Variants in TMEM184B observed in about 807,000 individuals in gnomAD.
TMEM184B encodes transmembrane protein 184B.
A neutral mutation model predicts 41.8 loss-of-function variants in TMEM184B; 17 were observed. That is an observed-to-expected ratio of 0.41 (90% CI 0.28 to 0.61). The LOEUF is 0.61. Ranked by LOEUF, TMEM184B falls within the 20% of genes least tolerant of loss-of-function variation. The pLI, the probability that TMEM184B is intolerant of heterozygous loss-of-function variation, is 0.34. For missense variants in TMEM184B, 393 were observed against 557.8 expected, an observed-to-expected ratio of 0.70 and a Z score of 2.98; for synonymous variants, 240 against 229.5, an observed-to-expected ratio of 1.05 and a Z score of -0.41.
intron 1 of TMEM184B, among the ~76,000 whole-genome samples, chr22:38,253,622 C>T (rs983415812): frequency 6.6e-6 from 1 of 152,072 alleles, no homozygotes; most frequent in African/African-American, 2.4e-5. Context: ...AACCCTTACA[C>T]ATATACAAAA....
chr22:38,225,307 G>T lies in TMEM184B; in HGVS notation c.787+117C>A. 1 of 1,321,172 alleles carries T rather than the reference G, an allele frequency of 7.6e-7. No individual in the cohort carries two copies. 81.8% of individuals were successfully genotyped at this position (1,321,172 alleles called of 1,614,324 possible). Reference sequence around the variant, plus strand: ...TTCACCCCCAGCAAGTGCCCAGTGGGCTGAGGCCCCTCTGAACAGGCCCTA... The same window carrying T: ...TTCACCCCCAGCAAGTGCCCAGTGGTCTGAGGCCCCTCTGAACAGGCCCTA... On this transcript the variant is annotated intron_variant, in intron 7 of 8. Transcript: ENST00000361906. The surrounding 1 kb of genome is among the most constrained non-coding windows in gnomAD (Gnocchi z 4.4).
At chr22:38,222,844 C>CCTGGGGCCTGG (rs2091300859) in intron 8 of TMEM184B, 2 of 319,536 alleles carry the variant, frequency 6.3e-6, no homozygotes, top group Non-Finnish European at 9.0e-6. Flanking sequence ...CCAGGAAGCT[C>CCTGGGGCCTGG]CAGGTGCCTC....
intron 2 of TMEM184B, chr22:38,247,022 C>T: frequency 2.4e-6 from 1 of 418,234 alleles, no homozygotes; most frequent in Non-Finnish European, 4.3e-6. Flanking sequence ...CTCACCCTGC[C>T]CCTCTCCACT....
rs2091237098 is a variant in TMEM184B at position 38,220,819 on chromosome 22, C to T, written c.*650G>A. 2 of 985,978 alleles carry T rather than the reference C, an allele frequency of 2.0e-6. No individual in the cohort carries two copies. The highest frequency in any genetic ancestry group is 1.1e-4 in the East Asian group (1 of 8,810). 61.1% of individuals were successfully genotyped at this position (985,978 alleles called of 1,614,324 possible). A position where few individuals can be genotyped will look rare whatever the true frequency, so the allele number is the denominator to read the frequency against. ...GGGGATACCCAGGGGCCCAGAAGCC[C>T]CTGCTTCAACAGAAGCGGTGCCCAG... is the stretch of plus-strand genomic sequence containing the variant. On this transcript the variant is annotated 3_prime_UTR_variant, in exon 9 of 9. Transcript: ENST00000361906.
intron 1 of TMEM184B, among the ~76,000 whole-genome samples, chr22:38,269,519 C>T (rs929970889): frequency 1.3e-5 from 2 of 152,074 alleles, no homozygotes; most frequent in Admixed American, 6.6e-5. Flanking sequence ...CAGCCTAAGA[C>T]TCTGTCTTAA....
intron 1 of TMEM184B, among the ~76,000 whole-genome samples, chr22:38,251,497 G>A (rs2092161168): frequency 6.6e-6 from 1 of 152,180 alleles, no homozygotes; most frequent in African/African-American, 2.4e-5. Context: ...CTGCTTGAAG[G>A]CCCAGAGCTC....
In TMEM184B at chr22:38,226,681, T is replaced by C. The variant is rs2091449380; in HGVS notation, c.617+98A>G. 2.4e-6 allele frequency: 3 copies of C among 1,238,504 alleles called. No individual in the cohort carries two copies. The African/African-American group carries it at 4.5e-5, about 18-fold the overall frequency. The allele number at this position is 1,238,504 out of a possible 1,614,324, so 76.7% of individuals were successfully genotyped here. ...GAGCACCAGACACCCAGGAAGGTCA[T>C]GGCTGTGCGGCCACTCTGGCTGCCC... On this transcript the variant is annotated intron_variant, in intron 6 of 8. Coordinates refer to ENST00000361906, the MANE Select transcript of TMEM184B (RefSeq NM_012264.5). This position sits in a 1 kb window ranked among gnomAD's most constrained non-coding sequence, Gnocchi z 4.6.
intron 1 of TMEM184B, among the ~76,000 whole-genome samples, chr22:38,263,803 T>C (rs1402294248): frequency 3.9e-5 from 6 of 152,128 alleles, no homozygotes; most frequent in Admixed American, 3.9e-4. Context: ...AGAAAATATG[T>C]AGGTTTCTGT....
In TMEM184B at chr22:38,220,270, C is replaced by T. The variant is rs2091222931; in HGVS notation, c.*1199G>A. 1.0e-6 allele frequency: 1 copy of T among 985,848 alleles called. No individual in the cohort carries two copies. The allele number at this position is 985,848 out of a possible 1,614,324, so 61.1% of individuals were successfully genotyped here. ...ACCACTCCTGAGGCCTGTCCAAGGG[C>T]TCTGGGCCCAGCACTGCAGGATCCT... On this transcript the variant is annotated 3_prime_UTR_variant, in exon 9 of 9. Coordinates refer to ENST00000361906, the MANE Select transcript of TMEM184B (RefSeq NM_012264.5).
In TMEM184B at chr22:38,272,876, C is replaced by T. The variant is rs1318938629; in HGVS notation, c.-59+8G>A. The T allele has an allele frequency of 5.6e-6, 5 of 899,134 alleles. No homozygotes were observed. The highest frequency in any genetic ancestry group is 6.7e-6 in the Non-Finnish European group (5 of 751,346). The allele number at this position is 899,134 out of a possible 1,614,324, so 55.7% of individuals were successfully genotyped here. On this transcript the variant is annotated splice_region_variant and intron_variant, in intron 1 of 8. Transcript: ENST00000361906. ...GGGCTCCCGGGCGAGGCCGGCCAGG[C>T]GGGATACCTCAGGAGCCCATGGCGG...
In TMEM184B at chr22:38,220,531, T is replaced by G; in HGVS notation, c.*938A>C. 1.0e-6 allele frequency: 1 copy of G among 985,744 alleles called. No individual in the cohort carries two copies. Among genetic ancestry groups the G allele is most frequent in the Non-Finnish European group, 1.2e-6 (1 of 829,990 alleles). 61.1% of individuals were successfully genotyped at this position (985,744 alleles called of 1,614,324 possible). On this transcript the variant is annotated 3_prime_UTR_variant, in exon 9 of 9. Coordinates refer to ENST00000361906, the MANE Select transcript of TMEM184B (RefSeq NM_012264.5). ...TCCCGGTCTCCCTGCCGGACTGCCT[T>G]CCCCCAGAAGCTGGTCTGAAACGTG...
At chr22:38,268,558 T>C (rs1383958204) in intron 1 of TMEM184B, among the ~76,000 whole-genome samples, 2 of 152,110 alleles carry the variant, frequency 1.3e-5, no homozygotes, top group African/African-American at 2.4e-5. Flanking sequence ...CTCTTCCCGT[T>C]TCTGTCCTCT....
chr22:38,256,543 A>T (rs1218529775), intron 1 of TMEM184B, among the ~76,000 whole-genome samples: 1 of 152,118 alleles, frequency 6.6e-6, no homozygotes, highest in Non-Finnish European at 1.5e-5. Flanking sequence ...ATCCTTATTG[A>T]TTGCTTTTCC....
intron 1 of TMEM184B, among the ~76,000 whole-genome samples, chr22:38,271,659 T>C (rs963624724): frequency 6.6e-6 from 1 of 152,206 alleles, no homozygotes; most frequent in African/African-American, 2.4e-5. Flanking sequence ...CGTGATCACC[T>C]GTTTCCAAAT....
intron 1 of TMEM184B, among the ~76,000 whole-genome samples, chr22:38,265,320 G>A (rs555004547): frequency 2.6e-5 from 4 of 152,164 alleles, no homozygotes; most frequent in East Asian, 1.9e-4. Flanking sequence ...AGGCAGAGCC[G>A]ACTGCTGCCT....
intron 1 of TMEM184B, among the ~76,000 whole-genome samples, chr22:38,263,951 C>T (rs1424212657): frequency 6.6e-5 from 10 of 152,074 alleles, no homozygotes; most frequent in African/African-American, 2.4e-4. Flanking sequence ...ATTACAGGTG[C>T]GTGTCACCAC....
chr22:38,232,135 T>C (rs1158587852), intron 3 of TMEM184B: 1 of 155,554 alleles, frequency 6.4e-6, no homozygotes, highest in African/African-American at 2.4e-5. Context: ...AGAACCTTCA[T>C]CCAGTCAACA....
At chr22:38,266,976 G>A (rs1033369098) in intron 1 of TMEM184B, among the ~76,000 whole-genome samples, 6 of 152,066 alleles carry the variant, frequency 3.9e-5, no homozygotes, top group African/African-American at 1.4e-4. Context: ...CCAGCTACTC[G>A]GGAGGCTGAG....
At chr22:38,242,990 A>G (rs2091946721) in intron 3 of TMEM184B, among the ~76,000 whole-genome samples, 2 of 137,996 alleles carry the variant, frequency 1.4e-5, no homozygotes. Flanking sequence ...TGAACCTAGG[A>G]GGTGGAGAAT....
Sources: gnomAD v4.1 joint callset for allele counts (sites outside exome capture counted in the v4.1 genomes callset) on GRCh38, gnomAD v4.1.1 for gene constraint, Gnocchi (gnomAD v3.1) non-coding constraint, MANE v1.5 for transcripts, NCBI Gene and HGNC (gene_info 2026-07-23, HGNC 2026-07-21) for gene names.